The following DNAJC6 variants were observed in gnomAD, a reference collection of about 807,000 sequenced individuals.
The protein encoded by DNAJC6 is auxilin.
A neutral mutation model predicts 110.0 loss-of-function variants in DNAJC6; 34 were observed. The observed-to-expected ratio is 0.31, with a 90% CI of 0.24 to 0.41. The LOEUF is 0.41. Among genes scored for constraint, DNAJC6 ranks in the 10% least tolerant of loss-of-function variants. DNAJC6 has a pLI of 1.00. For missense variants in DNAJC6, 1,031 were observed against 1,207.8 expected, an observed-to-expected ratio of 0.85 and a Z score of 2.17; for synonymous variants, 406 against 437.2, an observed-to-expected ratio of 0.93 and a Z score of 0.89.
chr1:65,362,596 T>A (rs1645608295), intron 1 of DNAJC6, among the ~76,000 whole-genome samples: 1 of 152,230 alleles, frequency 6.6e-6, no homozygotes, highest in East Asian at 1.9e-4. Flanking sequence ...TTATTTAATC[T>A]TTCCCTATGG....
chr1:65,345,875 G>T (rs1359446233), intron 1 of DNAJC6, among the ~76,000 whole-genome samples: 1 of 152,290 alleles, frequency 6.6e-6, no homozygotes, highest in East Asian at 1.9e-4. Flanking sequence ...TTTTCCACAA[G>T]GGAGGGTAGT....
At chr1:65,410,286 A>G (rs760104148) in intron 17 of DNAJC6, among the ~76,000 whole-genome samples, 2 of 152,196 alleles carry the variant, frequency 1.3e-5, no homozygotes, top group Non-Finnish European at 2.9e-5. Flanking sequence ...GCAGATGTAT[A>G]TAATATACAT....
chr1:65,394,337 C>T (rs1434393452), intron 12 of DNAJC6, among the ~76,000 whole-genome samples: 2 of 152,056 alleles, frequency 1.3e-5, no homozygotes, highest in Non-Finnish European at 2.9e-5. Context: ...AGTATTCTAT[C>T]CCCCCAAGAG....
chr1:65,391,871 G>A (rs1029685420), intron 11 of DNAJC6, among the ~76,000 whole-genome samples: 6 of 152,102 alleles, frequency 3.9e-5, no homozygotes, highest in Admixed American at 6.5e-5. Flanking sequence ...TCTACCTCCC[G>A]GGTTCAAGCA....
intron 1 of DNAJC6, among the ~76,000 whole-genome samples, chr1:65,281,187 A>C (rs1653831880): frequency 6.6e-6 from 1 of 152,170 alleles, no homozygotes; most frequent in African/African-American, 2.4e-5. Context: ...TTGGCCTCCC[A>C]AAGTGACGGG....
intron 1 of DNAJC6, among the ~76,000 whole-genome samples, chr1:65,345,111 G>A (rs546556688): frequency 1.2e-3 from 107 of 90,990 alleles, no homozygotes; most frequent in African/African-American, 6.1e-3. Context: ...TATGAGGAAG[G>A]TATCATAGGC....
intron 1 of DNAJC6, among the ~76,000 whole-genome samples, chr1:65,287,696 T>C (rs2101212947): frequency 6.6e-6 from 1 of 152,302 alleles, no homozygotes; most frequent in South Asian, 2.1e-4. Context: ...CGTGACCTCC[T>C]GGGCTCCAGT....
intron 1 of DNAJC6, among the ~76,000 whole-genome samples, chr1:65,327,338 G>A (rs577950060): frequency 6.6e-6 from 1 of 152,248 alleles, no homozygotes; most frequent in Admixed American, 6.5e-5. Context: ...ACTTAAAATA[G>A]TTACACGGCT....
intron 1 of DNAJC6, among the ~76,000 whole-genome samples, chr1:65,330,443 A>C (rs1031612880): frequency 6.6e-6 from 1 of 152,130 alleles, no homozygotes; most frequent in Non-Finnish European, 1.5e-5. Context: ...TGGCTTAAGC[A>C]GATGAAAGTC....
chr1:65,317,545 C>T (rs1331735425), intron 1 of DNAJC6, among the ~76,000 whole-genome samples: 4 of 152,236 alleles, frequency 2.6e-5, no homozygotes, highest in Admixed American at 2.0e-4. Flanking sequence ...AATTAAAATG[C>T]GTGTAGTATT....
chr1:65,405,874 T>C lies in DNAJC6; in HGVS notation c.2232T>C (p.Ser744=). The change falls in exon 16 of 19, where the codon AGT becomes AGC. Residue 744 remains serine (S), a synonymous_variant. Coordinates refer to ENST00000371069, the MANE Select transcript of DNAJC6 (RefSeq NM_001256864.2). ...DPFADLGTLG[S]SSFASKPTTP... ...TTTATCTCTTTTTTTCTTTAGGTAG[T>C]TCTTCCTTTGCCAGCAAACCCACCA... 1.3e-6 allele frequency: 2 copies of C among 1,599,608 alleles called. No individual in the cohort carries two copies. Among genetic ancestry groups the C allele is most frequent in the Non-Finnish European group, 1.7e-6 (2 of 1,172,272 alleles).
intron 1 of DNAJC6, among the ~76,000 whole-genome samples, chr1:65,315,007 T>A (rs1482267313): frequency 6.6e-6 from 1 of 152,262 alleles, no homozygotes; most frequent in East Asian, 1.9e-4. Flanking sequence ...CTTTCTGTGA[T>A]GGAGCTTTAG....
intron 1 of DNAJC6, among the ~76,000 whole-genome samples, chr1:65,310,924 G>A (rs1570261301): frequency 6.6e-6 from 1 of 152,154 alleles, no homozygotes. Flanking sequence ...AGATTCATAT[G>A]GGGTCGTTTG....
At chr1:65,310,446 T>C (rs1557514674) in intron 1 of DNAJC6, among the ~76,000 whole-genome samples, 7 of 152,244 alleles carry the variant, frequency 4.6e-5, no homozygotes. Context: ...TGCCACATCT[T>C]AACTCAGCCG....
rs60515960 is a variant in DNAJC6 at position 65,373,628 on chromosome 1, GT to G, written c.544-5762del. Among the ~76,000 whole-genome samples, 719 of 144,832 alleles carry G rather than the reference GT, an allele frequency of 5.0e-3. 3 individuals carry two copies. The highest frequency in any genetic ancestry group is 8.8e-3 in the Admixed American group (128 of 14,594). ...AACTCTTTTGCCCAGTTTTTAATTTGTTTTTTTTTTTTATTGTTGAGTTGTT... is the reference window on the plus strand; with the variant it reads ...AACTCTTTTGCCCAGTTTTTAATTTGTTTTTTTTTTTATTGTTGAGTTGTT... On this transcript the variant is annotated intron_variant, in intron 4 of 18. Transcript: ENST00000371069.
chr1:65,372,146 G>GGGGT (rs918112884), intron 4 of DNAJC6, among the ~76,000 whole-genome samples: 16 of 141,080 alleles, frequency 1.1e-4, no homozygotes, highest in African/African-American at 3.6e-4. Context: ...TGACATTTGG[G>GGGGT]GTGTGTGTGT....
intron 14 of DNAJC6, 33 bp downstream of exon 14, chr1:65,398,914 A>G (rs1173439543): frequency 1.9e-6 from 3 of 1,608,516 alleles, no homozygotes; most frequent in South Asian, 1.1e-5. Context: ...ACACATTTAT[A>G]TAATTGCAAA....
rs565572067 is a variant in DNAJC6 at position 65,334,489 on chromosome 1, C to T, written c.193+24551C>T. ...GGCAAAGATGGGTGAAGGAGGAATG[C>T]AGGAGGTGAGAATGGGAAGGAAAGC... On this transcript the variant is annotated intron_variant, in intron 1 of 18. Transcript: ENST00000371069. Among the ~76,000 whole-genome samples the T allele has an allele frequency of 1.2e-4, 18 of 152,294 alleles. No homozygotes were observed. In the South Asian group the frequency reaches 3.7e-3, roughly 32 times the overall value.
Position 65,309,543 on chromosome 1 carries a change from G to A in DNAJC6, c.-203G>A, listed in dbSNP as rs1401098151. The A allele has an allele frequency of 2.1e-6, 2 of 953,486 alleles. No individual in the cohort carries two copies. The highest frequency in any genetic ancestry group is 2.5e-6 in the Non-Finnish European group (2 of 796,454). 59.1% of individuals were successfully genotyped at this position (953,486 alleles called of 1,614,324 possible). A position where few individuals can be genotyped will look rare whatever the true frequency, so the allele number is the denominator to read the frequency against. On this transcript the variant is annotated 5_prime_UTR_variant, in exon 1 of 19. Transcript: ENST00000371069. ...CCTCCCTCCCTCCTCCCGGCGCCCC[G>A]AGCCGAGCTCAGCCCAGGGCGGCGG...
Sources: allele counts gnomAD v4.1 joint callset (sites outside exome capture counted in the v4.1 genomes callset), GRCh38; gene constraint gnomAD v4.1.1; transcripts MANE v1.5; gene names NCBI Gene and HGNC (gene_info 2026-07-23, HGNC 2026-07-21).